LRP6: variants seen among roughly 807,000 people sequenced by gnomAD.
LRP6 encodes the protein low-density lipoprotein receptor-related protein 6.
LRP6 carries 43 observed loss-of-function variants against 184.1 expected under a neutral mutation model. The ratio of observed to expected loss-of-function variants is 0.23; its 90% CI spans 0.18 to 0.30. The LOEUF is 0.30. Ranked by LOEUF, LRP6 falls within the 10% of genes least tolerant of loss-of-function variation. LRP6 has a pLI of 1.00. For synonymous variants in LRP6, 719 were observed against 684.9 expected, an observed-to-expected ratio of 1.05 and a Z score of -0.78; for missense variants, 1,571 against 2,005.3, an observed-to-expected ratio of 0.78 and a Z score of 4.14.
intron 8 of LRP6, 144 bp downstream of exon 8, chr12:12,164,935 A>T (rs1320759497): frequency 1.8e-5 from 5 of 278,680 alleles, no homozygotes; most frequent in South Asian, 1.1e-4. Flanking sequence ...AAAAAAAAAA[A>T]AAAAAAAAAA....
At chr12:12,167,379 C>A (rs936051762) in intron 7 of LRP6, among the ~76,000 whole-genome samples, 1 of 152,154 alleles carries the variant, frequency 6.6e-6, no homozygotes, top group Non-Finnish European at 1.5e-5. Context: ...CGCGGTGGCT[C>A]ACGCCTGTAA....
At position 12,264,692 on chromosome 12, in the gene LRP6, A is replaced by T. The variant is rs145658449; in HGVS notation, c.55+1989T>A. ...TATCTTTACTATAACAGAGGATGAC[A>T]TTCTCAAAGAATGAATTAATTCTAA... On this transcript the variant is annotated intron_variant, in intron 1 of 22. Transcript: ENST00000261349. Among the ~76,000 whole-genome samples, 148 of 152,352 alleles carry T rather than the reference A, an allele frequency of 9.7e-4. 2 individuals are homozygous for T. The highest frequency in any genetic ancestry group is 3.3e-3 in the African/African-American group (139 of 41,582).
chr12:12,125,569 T>C, intron 20 of LRP6, 137 bp from the exon 21 acceptor site: 1 of 793,862 alleles, frequency 1.3e-6, no homozygotes, highest in Non-Finnish European at 2.1e-6. Flanking sequence ...TCTTTTCCTA[T>C]AATTGAAAAC....
Position 12,232,301 on chromosome 12 carries a change from G to A in LRP6, c.449+11961C>T, listed in dbSNP as rs202040501. Among the ~76,000 whole-genome samples, 15 of 150,932 alleles carry A rather than the reference G, an allele frequency of 9.9e-5. No homozygotes were observed. In the East Asian group the frequency reaches 1.4e-3, roughly 14 times the overall value. On this transcript the variant is annotated intron_variant, in intron 2 of 22. Coordinates refer to ENST00000261349, the MANE Select transcript of LRP6 (RefSeq NM_002336.3). Reference sequence around the variant, plus strand: ...TGGGAGGCTGAGGCAGAAGAGTGTCGAGAACCCAGGAGGCAGAGCCTGCAG... The same window carrying A: ...TGGGAGGCTGAGGCAGAAGAGTGTCAAGAACCCAGGAGGCAGAGCCTGCAG...
intron 2 of LRP6, among the ~76,000 whole-genome samples, chr12:12,222,571 A>T (rs1864519298): frequency 1.7e-5 from 2 of 117,550 alleles, no homozygotes; most frequent in African/African-American, 5.5e-5. Flanking sequence ...CGTCTCAAAA[A>T]AAAAAAAGAA....
intron 12 of LRP6, chr12:12,155,571 G>C (rs1470367857): frequency 4.0e-6 from 3 of 741,806 alleles, no homozygotes; most frequent in Non-Finnish European, 7.3e-6. Context: ...AGCCGAGATA[G>C]CTTCCTAAAG....
At chr12:12,177,005 G>A (rs7134793) in intron 7 of LRP6, among the ~76,000 whole-genome samples, 7,912 of 151,702 alleles carry the variant, frequency 0.052, 688 homozygotes, top group African/African-American at 0.18. Context: ...CCGCCACCAC[G>A]CCCAGCTAAT....
chr12:12,188,905 G>C (rs1021985559), intron 3 of LRP6, among the ~76,000 whole-genome samples: 1 of 152,106 alleles, frequency 6.6e-6, no homozygotes, highest in African/African-American at 2.4e-5. Context: ...GAAACAGAGA[G>C]AGAACTGAGA....
intron 3 of LRP6, among the ~76,000 whole-genome samples, chr12:12,190,076 G>C (rs1290642863): frequency 6.6e-6 from 1 of 152,174 alleles, no homozygotes; most frequent in East Asian, 1.9e-4. Context: ...ATGTTTTTAA[G>C]AAAATATGTA....
At chr12:12,223,539 G>A (rs2135875806) in intron 2 of LRP6, among the ~76,000 whole-genome samples, 1 of 152,274 alleles carries the variant, frequency 6.6e-6, no homozygotes, top group Non-Finnish European at 1.5e-5. Context: ...CAATATGACT[G>A]GTAATACATA....
chr12:12,186,786 G>A, intron 4 of LRP6, 137 bp downstream of exon 4: 1 of 807,220 alleles, frequency 1.2e-6, no homozygotes, highest in Admixed American at 2.0e-5. Context: ...AGCCTCCCAA[G>A]TAGGATTTTA....
intron 3 of LRP6, among the ~76,000 whole-genome samples, chr12:12,198,258 GTTGTTCTATTCCCTTGC>G (rs1390808665): frequency 6.6e-6 from 1 of 152,080 alleles, no homozygotes; most frequent in Non-Finnish European, 1.5e-5. Context: ...GTTGTTCATA[GTTGTTCTATTCCCTTGC>G]TTTGCTTTTC....
At chr12:12,242,771 CA>C (rs1865098224) in intron 2 of LRP6, among the ~76,000 whole-genome samples, 1 of 152,144 alleles carries the variant, frequency 6.6e-6, no homozygotes, top group South Asian at 2.1e-4. Flanking sequence ...CTAAAAAATA[CA>C]TATTTGTATT....
At position 12,244,252 on chromosome 12, in the gene LRP6, A is replaced by G. The variant is rs534733347; in HGVS notation, c.449+10T>C. On this transcript the variant is annotated intron_variant, in intron 2 of 22. Transcript: ENST00000261349. ...GTATGATGATCTTCGTACACTGTACAAAAACTTACCCACTTGAAGGATCTA... is the reference window on the plus strand; with the variant it reads ...GTATGATGATCTTCGTACACTGTACGAAAACTTACCCACTTGAAGGATCTA... 3 of 1,614,106 alleles carry G rather than the reference A, an allele frequency of 1.9e-6. No homozygotes were observed. The highest frequency in any genetic ancestry group is 2.2e-5 in the East Asian group (1 of 44,878).
intron 2 of LRP6, among the ~76,000 whole-genome samples, chr12:12,220,891 C>T (rs925718300): frequency 3.3e-5 from 5 of 152,180 alleles, no homozygotes; most frequent in Non-Finnish European, 7.3e-5. Context: ...TGAGCCACCA[C>T]GCCCAGCCTA....
At chr12:12,263,821 A>G (rs545243326) in intron 1 of LRP6, among the ~76,000 whole-genome samples, 35 of 151,976 alleles carry the variant, frequency 2.3e-4, no homozygotes, top group Admixed American at 5.3e-4. Context: ...GCAACAGAGC[A>G]AGACCCTACC....
chr12:12,181,418 A>G lies in LRP6; in HGVS notation c.998T>C (p.Leu333Ser). The change falls in exon 6 of 23, where the codon TTA (leucine) becomes TCA (serine). Residue 333 changes from leucine (L) to serine (S), a missense_variant. Leu to Ser is a moderately radical substitution (Grantham distance 145). This residue lies in a region of LRP6 where 640 missense variants were observed against 851.9 expected (regional missense o/e 0.75). Transcript: ENST00000261349. ...GCGTCTCAAGTCTGTCCTTCGAGCT[A>G]AAAGCAATAATTCTGTGGCACCTAG... ...CKDGATELLL[L>S]ARRTDLRRIS... The G allele has an allele frequency of 7.4e-7, 1 of 1,345,042 alleles. No individual in the cohort carries two copies. The highest frequency in any genetic ancestry group is 1.7e-5 in the Admixed American group (1 of 59,678). 83.3% of individuals were successfully genotyped at this position (1,345,042 alleles called of 1,614,324 possible). A position where few individuals can be genotyped will look rare whatever the true frequency, so the allele number is the denominator to read the frequency against.
chr12:12,172,220 G>A (rs772781936), intron 7 of LRP6, among the ~76,000 whole-genome samples: 12 of 152,158 alleles, frequency 7.9e-5, no homozygotes, highest in Non-Finnish European at 1.3e-4. Context: ...CAGCTGCTTT[G>A]ACCACACTGT....
At chr12:12,160,611 A>G (rs1176106406) in intron 10 of LRP6, among the ~76,000 whole-genome samples, 1 of 152,236 alleles carries the variant, frequency 6.6e-6, no homozygotes, top group Non-Finnish European at 1.5e-5. Context: ...AATCTCTGTG[A>G]AATTTTAGAA....
Sources: allele counts gnomAD v4.1 joint callset (sites outside exome capture counted in the v4.1 genomes callset), GRCh38; gene constraint gnomAD v4.1.1; regional missense constraint gnomAD v4.1.1; transcripts MANE v1.5; gene names NCBI Gene and HGNC (gene_info 2026-07-23, HGNC 2026-07-21).